Variants in GLIS3 observed in about 807,000 individuals in gnomAD.
GLIS3 encodes zinc finger protein GLIS3.
A neutral mutation model predicts 78.6 loss-of-function variants in GLIS3; 53 were observed. That is an observed-to-expected ratio of 0.67 (90% confidence interval 0.54 to 0.85). GLIS3 has a LOEUF of 0.85. Among genes scored for constraint, GLIS3 ranks in the 40% least tolerant of loss-of-function variants. The pLI is 0.00. For missense variants in GLIS3, 1,703 were observed against 1,231.1 expected (o/e 1.38, Z -5.74); for synonymous variants, 684 against 509.9 (o/e 1.34, Z -4.60).
intron 1 of GLIS3, among the ~76,000 whole-genome samples, chr9:4,293,143 A>T (rs1460067421): frequency 2.6e-5 from 4 of 152,230 alleles, no homozygotes; most frequent in African/African-American, 9.6e-5. Flanking sequence ...AGCATTCATT[A>T]TCCTTTAGTC....
chr9:4,117,071 A>C (rs1831708009), intron 4 of GLIS3, among the ~76,000 whole-genome samples: 1 of 152,242 alleles, frequency 6.6e-6, no homozygotes, highest in East Asian at 1.9e-4. Context: ...GGCGAGGAAG[A>C]AAGAGACATC....
the GLIS3 span, among the ~76,000 whole-genome samples, chr9:4,479,342 T>A: frequency 4.6e-3 from 704 of 152,330 alleles, 3 homozygotes; most frequent in African/African-American, 0.016. Context: ...AGCATTGTCC[T>A]TCATGTCCCT....
the GLIS3 span, among the ~76,000 whole-genome samples, chr9:4,488,129 G>A: frequency 1 from 151,916 of 152,072 alleles, 75,880 homozygotes; most frequent in Middle Eastern, 1. Flanking sequence ...GGTCGGTTTA[G>A]TTTTTGTAGA....
the GLIS3 span, among the ~76,000 whole-genome samples, chr9:4,445,314 C>G: frequency 6.6e-6 from 1 of 152,124 alleles, no homozygotes; most frequent in Admixed American, 6.6e-5. Context: ...AGTGATGAAG[C>G]AGGAAGCGAC....
intron 6 of GLIS3, among the ~76,000 whole-genome samples, chr9:3,921,039 C>G (rs1824855039): frequency 6.6e-6 from 1 of 152,204 alleles, no homozygotes; most frequent in African/African-American, 2.4e-5. Context: ...CACAACCCTA[C>G]GGGACTTCGC....
In GLIS3 at chr9:4,118,767, G is replaced by C. The variant is rs755766856; in HGVS notation, c.711C>G (p.Leu237=). ...GGCCATTCTGAGAGCCGTGGTTGGA[G>C]AGCGAAGGGAGGGCCCTGTAGCCCT... ...WSQGYRALPS[L]SNHGSQNGLD... Residue 237 remains leucine (L), a synonymous_variant, in exon 4 of 11, where the codon CTC becomes CTG. Transcript: ENST00000381971. This position sits in a 1 kb window ranked among gnomAD's most constrained non-coding sequence, Gnocchi z 4.7. The C allele has an allele frequency of 2.9e-5, 47 of 1,613,172 alleles. No homozygotes were observed. Among genetic ancestry groups the C allele is most frequent in the Non-Finnish European group, 3.9e-5 (46 of 1,180,034 alleles).
intron 4 of GLIS3, among the ~76,000 whole-genome samples, chr9:4,091,576 T>C (rs1342734401): frequency 2.0e-5 from 3 of 152,164 alleles, no homozygotes; most frequent in Admixed American, 2.0e-4. Flanking sequence ...TGCAGTCATG[T>C]GTCGCTTAAT....
At chr9:4,322,051 C>G (rs867381580) in intron 2 of GLIS3, among the ~76,000 whole-genome samples, 12 of 152,102 alleles carry the variant, frequency 7.9e-5, no homozygotes, top group African/African-American at 2.9e-4. Flanking sequence ...ACGACAGGCC[C>G]TGGTGTGTGA....
chr9:4,153,085 C>G (rs937180245), intron 2 of GLIS3, among the ~76,000 whole-genome samples: 1 of 152,164 alleles, frequency 6.6e-6, no homozygotes, highest in Admixed American at 6.6e-5. Context: ...AGTAGCACCC[C>G]TCGTGGTGAC....
chr9:4,206,336 A>C (rs1237752852), intron 2 of GLIS3, among the ~76,000 whole-genome samples: 1 of 152,242 alleles, frequency 6.6e-6, no homozygotes, highest in Non-Finnish European at 1.5e-5. Context: ...TTACTAAAAG[A>C]CTGGCTTACA....
chr9:3,929,257 G>A (rs1305814424), intron 6 of GLIS3, among the ~76,000 whole-genome samples: 2 of 152,176 alleles, frequency 1.3e-5, no homozygotes, highest in East Asian at 3.9e-4. Flanking sequence ...TGGGATGTGT[G>A]GGTGTGCAGG....
intron 4 of GLIS3, among the ~76,000 whole-genome samples, chr9:4,043,849 T>A (rs1312071003): frequency 6.6e-6 from 1 of 152,212 alleles, no homozygotes; most frequent in Non-Finnish European, 1.5e-5. Context: ...GCTTCAGAGT[T>A]CACTTGTAGT....
intron 2 of GLIS3, among the ~76,000 whole-genome samples, chr9:4,187,863 C>T (rs914519190): frequency 6.6e-6 from 1 of 152,086 alleles, no homozygotes; most frequent in African/African-American, 2.4e-5. Context: ...TGAGACTTTG[C>T]TGAAGTTGCT....
chr9:3,889,744 T>C (rs1822303022), intron 7 of GLIS3, among the ~76,000 whole-genome samples: 1 of 152,204 alleles, frequency 6.6e-6, no homozygotes, highest in South Asian at 2.1e-4. Context: ...GTTCACATTC[T>C]TCAGGCAACT....
chr9:3,858,520 G>A (rs1819941124), intron 8 of GLIS3, among the ~76,000 whole-genome samples: 1 of 151,950 alleles, frequency 6.6e-6, no homozygotes, highest in East Asian at 1.9e-4. Flanking sequence ...ACTGACTCAA[G>A]ATTTTGCTTT....
At chr9:4,027,223 C>T (rs1240003784) in intron 4 of GLIS3, among the ~76,000 whole-genome samples, 1 of 152,344 alleles carries the variant, frequency 6.6e-6, no homozygotes, top group East Asian at 1.9e-4. Flanking sequence ...CTGAACAACG[C>T]TTAGCCATTT....
intron 8 of GLIS3, among the ~76,000 whole-genome samples, chr9:3,872,591 A>G (rs1200851156): frequency 3.3e-5 from 5 of 152,226 alleles, no homozygotes; most frequent in Admixed American, 3.3e-4. Context: ...AAACCCTCAG[A>G]TCTCATGAGA....
chr9:3,854,568 G>A (rs138643606), intron 9 of GLIS3, among the ~76,000 whole-genome samples: 14 of 149,382 alleles, frequency 9.4e-5, no homozygotes, highest in East Asian at 5.9e-4. Flanking sequence ...ACAGAGTCTC[G>A]CTCTGTCACC....
chr9:4,475,693 A>G, the GLIS3 span, among the ~76,000 whole-genome samples: 2 of 152,208 alleles, frequency 1.3e-5, no homozygotes, highest in African/African-American at 4.8e-5. Flanking sequence ...TGAAAAAAGG[A>G]GGCACAGAAC....
Sources: allele counts gnomAD v4.1 joint callset (sites outside exome capture counted in the v4.1 genomes callset), GRCh38; gene constraint gnomAD v4.1.1; non-coding constraint Gnocchi (gnomAD v3.1); transcripts MANE v1.5; gene names NCBI Gene and HGNC (gene_info 2026-07-23, HGNC 2026-07-21).